Variants in EVA1A observed in about 807,000 individuals in gnomAD.
The protein encoded by EVA1A is protein eva-1 homolog A.
Under a neutral mutation model 9.8 loss-of-function variants are expected in EVA1A, and 7 were observed. The ratio of observed to expected loss-of-function variants is 0.71; its 90% CI spans 0.41 to 1.34. The LOEUF is 1.34. Ranked by LOEUF, EVA1A falls within the 40% of genes most tolerant of loss-of-function variation. EVA1A has a pLI of 0.01. For missense variants in EVA1A, 206 were observed against 205.9 expected, an observed-to-expected ratio of 1.00 and a Z score of 0.00; for synonymous variants, 90 against 85.6, an observed-to-expected ratio of 1.05 and a Z score of -0.28.
At chr2:75,550,263 C>T (rs1388842125) in intron 1 of EVA1A, among the ~76,000 whole-genome samples, 6 of 152,186 alleles carry the variant, frequency 3.9e-5, no homozygotes. Flanking sequence ...ATGGACCTTT[C>T]ATTTCCTACA....
chr2:75,500,492 G>A (rs1674375548), intron 3 of EVA1A, among the ~76,000 whole-genome samples: 1 of 152,046 alleles, frequency 6.6e-6, no homozygotes, highest in Non-Finnish European at 1.5e-5. Flanking sequence ...CTGGCAATAA[G>A]TGATATTTAT....
chr2:75,498,304 G>C (rs1416951736), intron 3 of EVA1A, among the ~76,000 whole-genome samples: 2 of 102,942 alleles, frequency 1.9e-5, no homozygotes, highest in African/African-American at 3.8e-5. Flanking sequence ...ATAAAGAAGG[G>C]AACAATAGAC....
chr2:75,519,575 A>G (rs1274959978), intron 2 of EVA1A, among the ~76,000 whole-genome samples: 2 of 152,124 alleles, frequency 1.3e-5, no homozygotes, highest in African/African-American at 4.8e-5. Context: ...GACTTTGAAA[A>G]GAGACTGGCT....
At chr2:75,512,975 ACCAT>A (rs1443366045) in intron 3 of EVA1A, among the ~76,000 whole-genome samples, 2 of 152,176 alleles carry the variant, frequency 1.3e-5, no homozygotes, top group Non-Finnish European at 2.9e-5. Context: ...GCTAGAAATG[ACCAT>A]GTGACACAGT....
At chr2:75,545,276 C>G (rs1676289246) in intron 1 of EVA1A, among the ~76,000 whole-genome samples, 1 of 152,116 alleles carries the variant, frequency 6.6e-6, no homozygotes, top group African/African-American at 2.4e-5. Context: ...AACCACAACT[C>G]CAGATACAAG....
At chr2:75,543,388 T>C (rs1676208952) in intron 1 of EVA1A, among the ~76,000 whole-genome samples, 1 of 152,144 alleles carries the variant, frequency 6.6e-6, no homozygotes, top group African/African-American at 2.4e-5. Flanking sequence ...ACAAGGAGTA[T>C]TCCTGGTCAT....
At chr2:75,568,932 A>G (rs544912396) in intron 1 of EVA1A, among the ~76,000 whole-genome samples, 2 of 152,322 alleles carry the variant, frequency 1.3e-5, no homozygotes, top group East Asian at 3.9e-4. Flanking sequence ...TTCTGCTGCT[A>G]TAAACATGTG....
At chr2:75,494,143 T>C (rs1384221079) in intron 3 of EVA1A, among the ~76,000 whole-genome samples, 1 of 151,942 alleles carries the variant, frequency 6.6e-6, no homozygotes, top group Non-Finnish European at 1.5e-5. Context: ...AGTTGACCCT[T>C]GGACAACATG....
chr2:75,504,605 CT>C (rs1674544997), intron 3 of EVA1A, among the ~76,000 whole-genome samples: 1 of 152,150 alleles, frequency 6.6e-6, no homozygotes, highest in African/African-American at 2.4e-5. Context: ...CTGGCTGGCT[CT>C]GATGTGTGCT....
intron 1 of EVA1A, chr2:75,542,224 C>G (rs559452873): frequency 3.4e-4 from 53 of 153,880 alleles, no homozygotes; most frequent in South Asian, 6.2e-4. Context: ...TCCAATGAAA[C>G]TCTTTCTTTC....
In EVA1A at chr2:75,493,274, C is replaced by T. The variant is rs1404811456; in HGVS notation, c.421G>A (p.Glu141Lys). 6.2e-7 allele frequency: 1 copy of T among 1,613,754 alleles called. No individual in the cohort carries two copies. The highest frequency in any genetic ancestry group is 1.7e-5 in the Admixed American group (1 of 60,006). Residue 141 changes from glutamate to lysine, a missense_variant, in exon 4 of 4, where the codon GAG becomes AAG. Coordinates refer to ENST00000393913, the MANE Select transcript of EVA1A (RefSeq NM_001135032.2). ...TTCAGGCTCCTGGTCCCGGGCACCT[C>T]AGGCTGGCCATTCATCCAGATCTCC... The part of the protein sequence containing the change: ...IREIWMNGQP[E>K]VPGTRSLNRY...
At chr2:75,518,521 G>C in intron 2 of EVA1A, 1 of 860,710 alleles carries the variant, frequency 1.2e-6, no homozygotes. Flanking sequence ...TGTGCTCTTT[G>C]TTCAAGCGAG....
chr2:75,524,371 A>G (rs1304187147), intron 1 of EVA1A, among the ~76,000 whole-genome samples: 1 of 151,078 alleles, frequency 6.6e-6, no homozygotes, highest in East Asian at 2.0e-4. Flanking sequence ...CTGTCATCCT[A>G]GATTCATCTT....
chr2:75,552,658 C>A (rs1676566566), intron 1 of EVA1A, among the ~76,000 whole-genome samples: 1 of 152,208 alleles, frequency 6.6e-6, no homozygotes, highest in Non-Finnish European at 1.5e-5. Flanking sequence ...CTGTAGTAGA[C>A]ATTTCCCATA....
At chr2:75,537,646 T>C (rs1372160957) in intron 1 of EVA1A, among the ~76,000 whole-genome samples, 2 of 152,208 alleles carry the variant, frequency 1.3e-5, no homozygotes, top group Non-Finnish European at 2.9e-5. Flanking sequence ...TCTCCAATGT[T>C]GCAGGTGGGA....
At chr2:75,511,871 A>G (rs1312313369) in intron 3 of EVA1A, among the ~76,000 whole-genome samples, 1 of 152,192 alleles carries the variant, frequency 6.6e-6, no homozygotes, top group Non-Finnish European at 1.5e-5. Flanking sequence ...TACTAAACAA[A>G]TAAATAAAAT....
At chr2:75,536,598 T>A (rs1306040750) in intron 1 of EVA1A, among the ~76,000 whole-genome samples, 6 of 151,906 alleles carry the variant, frequency 3.9e-5, no homozygotes, top group African/African-American at 1.5e-4. Context: ...AAATTACCAA[T>A]ATCAGAAACA....
rs58092436 is a variant in EVA1A, at chr2:75,555,301, A to ATCTCTCTCTCTCTCTCTCTCTCTCTCTC, written c.-192+5351_-192+5378dup. On this transcript the variant is annotated intron_variant, in intron 1 of 3. Coordinates refer to ENST00000393913, the MANE Select transcript of EVA1A (RefSeq NM_001135032.2). ...AAACAGACTTTAGCATCAAAACTCA[A>ATCTCTCTCTCTCTCTCTCTCTCTCTCTC]TCTCTCTCTCTCTCTCTCTCTCTCT... is the stretch of plus-strand genomic sequence containing the variant. 3.5e-4 allele frequency among the ~76,000 whole-genome samples: 20 copies of ATCTCTCTCTCTCTCTCTCTCTCTCTCTC among 57,194 alleles called. 1 individual carries two copies. Among genetic ancestry groups the ATCTCTCTCTCTCTCTCTCTCTCTCTCTC allele is most frequent in the East Asian group, 1.4e-3 (3 of 2,130 alleles). The allele number at this position is 57,194 out of a possible 152,430, so 37.5% of individuals were successfully genotyped here. A position where few individuals can be genotyped will look rare whatever the true frequency, so the allele number is the denominator to read the frequency against.
At chr2:75,556,297 A>C (rs1324672520) in intron 1 of EVA1A, among the ~76,000 whole-genome samples, 3 of 152,216 alleles carry the variant, frequency 2.0e-5, no homozygotes, top group African/African-American at 7.2e-5. Context: ...GTATCTCCCT[A>C]GAACTAGAGA....
Sources: allele counts gnomAD v4.1 joint callset (sites outside exome capture counted in the v4.1 genomes callset), GRCh38; gene constraint gnomAD v4.1.1; transcripts MANE v1.5; gene names NCBI Gene and HGNC (gene_info 2026-07-23, HGNC 2026-07-21).